SLC3A1: variants seen among roughly 807,000 people sequenced by gnomAD.
SLC3A1 encodes the protein amino acid transporter heavy chain SLC3A1.
SLC3A1 carries 78 observed loss-of-function variants against 60.3 expected under a neutral mutation model. That is an observed-to-expected ratio of 1.29 (90% CI 1.08 to 1.56). The LOEUF is 1.56. Ranked by LOEUF, SLC3A1 falls within the 40% of genes most tolerant of loss-of-function variation. The probability of loss-of-function intolerance (pLI) is 0.00; values close to 1 mark genes in which losing one functional copy is unlikely to be tolerated. For synonymous variants in SLC3A1, 392 were observed against 307.9 expected (o/e 1.27, Z -2.86); for missense variants, 1,172 against 858.9 (o/e 1.36, Z -4.56).
At chr2:44,315,969 C>A (rs1672431895) in intron 9 of SLC3A1, among the ~76,000 whole-genome samples, 1 of 152,136 alleles carries the variant, frequency 6.6e-6, no homozygotes, top group South Asian at 2.1e-4. Context: ...TTTTACTACT[C>A]AGCTCAGAGT....
At position 44,298,384 on chromosome 2, in the gene SLC3A1, C is replaced by CTT. The variant is rs113068506; in HGVS notation, c.892-1579_892-1578dup. Among the ~76,000 whole-genome samples, 1,039 of 151,474 alleles carry CTT rather than the reference C, an allele frequency of 6.9e-3. 5 individuals are homozygous for CTT. Among genetic ancestry groups the CTT allele is most frequent in the African/African-American group, 0.024 (982 of 41,224 alleles). ...GCCACCCCCCTATCCCTGCCACTGC[C>CTT]TTTTTTTTTCTTGAAACAGGATCTC... On this transcript the variant is annotated intron_variant, in intron 4 of 9. Transcript: ENST00000260649.
At position 44,320,717 on chromosome 2, in the gene SLC3A1, C is replaced by T. The variant is rs1212735334; in HGVS notation, c.*78C>T. 3.7e-6 allele frequency: 4 copies of T among 1,078,316 alleles called. No homozygotes were observed. The African/African-American group carries it at 4.6e-5, about 13-fold the overall frequency. 66.8% of individuals were successfully genotyped at this position (1,078,316 alleles called of 1,614,324 possible). A position where few individuals can be genotyped will look rare whatever the true frequency, so the allele number is the denominator to read the frequency against. Reference sequence around the variant, plus strand: ...TTGTAATAGCTTCATGTACAGCATGCTGCTTGGTGAACAATCATTAATTCT... The same window carrying T: ...TTGTAATAGCTTCATGTACAGCATGTTGCTTGGTGAACAATCATTAATTCT... On this transcript the variant is annotated 3_prime_UTR_variant, in exon 10 of 10. Coordinates refer to ENST00000260649, the MANE Select transcript of SLC3A1 (RefSeq NM_000341.4).
rs542758042 is a variant in SLC3A1 at position 44,320,623 on chromosome 2, T to C, written c.2042T>C (p.Leu681Pro). ...TGCTATTCCAGTGTACTGAACATACTGTATACCTCGTGTTAGGCACCTTTA... is the reference window on the plus strand; with the variant it reads ...TGCTATTCCAGTGTACTGAACATACCGTATACCTCGTGTTAGGCACCTTTA... ...RACYSSVLNI[L>P]YTSC Residue 681 changes from leucine (L) to proline (P), a missense_variant, in exon 10 of 10, where the codon CTG becomes CCG. Coordinates refer to ENST00000260649, the MANE Select transcript of SLC3A1 (RefSeq NM_000341.4). The C allele has an allele frequency of 1.2e-6, 2 of 1,613,828 alleles. No individual in the cohort carries two copies. Among genetic ancestry groups the C allele is most frequent in the African/African-American group, 1.3e-5 (1 of 75,020 alleles).
chr2:44,308,184 C>G lies in SLC3A1; in HGVS notation c.1332+3846C>G, dbSNP rs138459207. On this transcript the variant is annotated intron_variant, in intron 7 of 9. Transcript: ENST00000260649. ...AAAAGAAAATCAGTTGATTAGATTT[C>G]CAGACTCTCAGTTCTGTTCATCTAT... 3.0e-4 allele frequency among the ~76,000 whole-genome samples: 45 copies of G among 152,292 alleles called. No homozygotes were observed. The East Asian group carries it at 7.1e-3, about 24-fold the overall frequency.
intron 9 of SLC3A1, chr2:44,314,198 C>G (rs1336725538): frequency 2.1e-6 from 2 of 954,904 alleles, no homozygotes; most frequent in Non-Finnish European, 3.0e-6. Flanking sequence ...TTGCAATGAC[C>G]TTTACTAAGG....
chr2:44,303,245 ATTTTTT>A (rs113167902), intron 6 of SLC3A1, among the ~76,000 whole-genome samples: 1 of 136,574 alleles, frequency 7.3e-6, no homozygotes, highest in African/African-American at 2.8e-5. Context: ...CTGAGATCCA[ATTTTTT>A]TTTTTTTTTT....
At chr2:44,283,330 C>T (rs957959911) in intron 3 of SLC3A1, among the ~76,000 whole-genome samples, 1 of 152,182 alleles carries the variant, frequency 6.6e-6, no homozygotes, top group Admixed American at 6.5e-5. Context: ...CTGGCAGTTT[C>T]ACCTCTTTTT....
In SLC3A1 at chr2:44,275,591, A is replaced by G. The variant is rs1362580268; in HGVS notation, c.56A>G (p.Gln19Arg). 9.9e-6 allele frequency: 16 copies of G among 1,614,144 alleles called. No individual in the cohort carries two copies. Among genetic ancestry groups the G allele is most frequent in the Non-Finnish European group, 1.3e-5 (15 of 1,179,980 alleles). ...DSIEMSMKGC[Q>R]TNNGFVHNED... Reference sequence around the variant, plus strand: ...ATCGAGATGAGTATGAAGGGATGCCAGACAAACAACGGGTTTGTCCATAAT... The same window carrying G: ...ATCGAGATGAGTATGAAGGGATGCCGGACAAACAACGGGTTTGTCCATAAT... Residue 19 changes from glutamine to arginine, a missense_variant, in exon 1 of 10, where the codon CAG (glutamine) becomes CGG (arginine). Gln to Arg is a conservative substitution (Grantham distance 43). Coordinates refer to ENST00000260649, the MANE Select transcript of SLC3A1 (RefSeq NM_000341.4).
Position 44,312,581 on chromosome 2 carries a change from T to C in SLC3A1, c.1333-5T>C. The C allele has an allele frequency of 1.2e-6, 2 of 1,613,764 alleles. No individual in the cohort carries two copies. The highest frequency in any genetic ancestry group is 1.7e-6 in the Non-Finnish European group (2 of 1,179,716). ...GCTGTGTTCTTAAAAATATCTGCCT[T>C]TCAGATTGGTGGACCAGACAGTTCA... On this transcript the variant is annotated splice_polypyrimidine_tract_variant and splice_region_variant and intron_variant, in intron 7 of 9. Transcript: ENST00000260649.
At chr2:44,303,561 G>T (rs1394484358) in intron 6 of SLC3A1, among the ~76,000 whole-genome samples, 1 of 11,512 alleles carries the variant, frequency 8.7e-5, no homozygotes, top group Non-Finnish European at 3.2e-4. Context: ...ATTTTTTTTG[G>T]GGGGGGTGGA....
In SLC3A1 at chr2:44,303,351, C is replaced by G. The variant is rs976496421; in HGVS notation, c.1137-792C>G. Among the ~76,000 whole-genome samples the G allele has an allele frequency of 2.7e-5, 4 of 148,646 alleles. No homozygotes were observed. The South Asian group carries it at 8.6e-4, about 32-fold the overall frequency. On this transcript the variant is annotated intron_variant, in intron 6 of 9. Transcript: ENST00000260649. ...CTTCACCTCCCAAATTCAAGTGATT[C>G]TCCTGCCTTGGCCTTCCGAGTAGCT...
chr2:44,284,321 G>A (rs1418410099), intron 3 of SLC3A1, among the ~76,000 whole-genome samples: 1 of 152,078 alleles, frequency 6.6e-6, no homozygotes, highest in African/African-American at 2.4e-5. Context: ...CTTGTGATCT[G>A]CCCACGTCGG....
At chr2:44,294,240 C>T (rs943967859) in intron 4 of SLC3A1, among the ~76,000 whole-genome samples, 2 of 152,062 alleles carry the variant, frequency 1.3e-5, no homozygotes, top group Non-Finnish European at 2.9e-5. Context: ...CGTGGTGGCT[C>T]ATGCCTGTAA....
intron 3 of SLC3A1, 125 bp from the exon 4 acceptor site, chr2:44,285,907 C>G (rs575686662): frequency 2.4e-5 from 30 of 1,268,614 alleles, no homozygotes; most frequent in African/African-American, 2.3e-4. Context: ...ACCTGCTGCT[C>G]TCTGTAGAAG....
At chr2:44,315,182 A>G (rs1455938228) in intron 9 of SLC3A1, 2 of 152,020 alleles carry the variant, frequency 1.3e-5, no homozygotes, top group Non-Finnish European at 2.9e-5. Flanking sequence ...ATCTCAAGTG[A>G]TCCGCCCACC....
rs1036912610 is a variant in SLC3A1, at chr2:44,312,633, G to T, written c.1380G>T (p.Gln460His). The T allele has an allele frequency of 1.2e-6, 2 of 1,613,948 alleles. No individual in the cohort carries two copies. Among genetic ancestry groups the T allele is most frequent in the Non-Finnish European group, 1.7e-6 (2 of 1,179,862 alleles). Reference sequence around the variant, plus strand: ...GGCTGACTTCGCGTTTGGGGAATCAGTATGTCAACGTGATGAACATGCTTC... The same window carrying T: ...GGCTGACTTCGCGTTTGGGGAATCATTATGTCAACGTGATGAACATGCTTC... ...SSRLTSRLGN[Q>H]YVNVMNMLLF... is the part of the protein sequence containing the mutation. Residue 460 changes from glutamine to histidine, a missense_variant, in exon 8 of 10, where the codon CAG (glutamine) becomes CAT (histidine). Coordinates refer to ENST00000260649, the MANE Select transcript of SLC3A1 (RefSeq NM_000341.4).
At chr2:44,294,266 A>T (rs941089426) in intron 4 of SLC3A1, among the ~76,000 whole-genome samples, 1 of 152,082 alleles carries the variant, frequency 6.6e-6, no homozygotes, top group African/African-American at 2.4e-5. Context: ...GCACTTTGGG[A>T]GGCTGAGGTG....
chr2:44,306,482 T>C (rs1444286221), intron 7 of SLC3A1, among the ~76,000 whole-genome samples: 1 of 151,912 alleles, frequency 6.6e-6, no homozygotes, highest in Non-Finnish European at 1.5e-5. Context: ...ATTTGTTAAA[T>C]GTAAGTATTA....
chr2:44,286,682 G>C (rs1671622118), intron 4 of SLC3A1, among the ~76,000 whole-genome samples: 1 of 148,492 alleles, frequency 6.7e-6, no homozygotes, highest in Admixed American at 6.8e-5. Flanking sequence ...GTGACGGTGA[G>C]CTGTGCGGTG....
Sources: gnomAD v4.1 joint callset for allele counts (sites outside exome capture counted in the v4.1 genomes callset) on GRCh38, gnomAD v4.1.1 for gene constraint, MANE v1.5 for transcripts, NCBI Gene and HGNC (gene_info 2026-07-23, HGNC 2026-07-21) for gene names.